The following MOB3B variants were observed in gnomAD, a reference collection of about 807,000 sequenced individuals.
The protein encoded by MOB3B is MOB kinase activator 3B, also known as MOB kinase activator-like 2B.
MOB3B carries 7 observed loss-of-function variants against 18.7 expected under a neutral mutation model. The ratio of observed to expected loss-of-function variants is 0.37; its 90% CI spans 0.21 to 0.70. MOB3B has a LOEUF of 0.70. MOB3B is among the 30% of genes least tolerant of loss of function. The pLI, the probability that MOB3B is intolerant of heterozygous loss-of-function variation, is 0.52. For synonymous variants in MOB3B, 111 were observed against 99.9 expected, an observed-to-expected ratio of 1.11 and a Z score of -0.66; for missense variants, 253 against 281.3, an observed-to-expected ratio of 0.90 and a Z score of 0.72.
At chr9:27,371,910 G>A (rs1821422120) in intron 2 of MOB3B, among the ~76,000 whole-genome samples, 1 of 152,016 alleles carries the variant, frequency 6.6e-6, no homozygotes. Context: ...ATTTTCAAAC[G>A]TTTTATTTAT....
intron 2 of MOB3B, among the ~76,000 whole-genome samples, chr9:27,450,205 C>T (rs916256179): frequency 6.6e-6 from 1 of 152,118 alleles, no homozygotes; most frequent in East Asian, 1.9e-4. Flanking sequence ...ACTGAACAGA[C>T]TACTTACTTT....
intron 2 of MOB3B, among the ~76,000 whole-genome samples, chr9:27,370,708 CTGTT>C (rs1309010292): frequency 1.3e-5 from 2 of 152,188 alleles, no homozygotes; most frequent in Non-Finnish European, 2.9e-5. Flanking sequence ...ATAAGCCACT[CTGTT>C]TGTGGTATTT....
intron 2 of MOB3B, among the ~76,000 whole-genome samples, chr9:27,433,439 T>G (rs938361437): frequency 3.3e-5 from 5 of 152,136 alleles, no homozygotes; most frequent in African/African-American, 1.2e-4. Context: ...TGTCAGATGT[T>G]TAGTAGATTT....
chr9:27,361,864 G>C (rs1033567444), intron 2 of MOB3B, among the ~76,000 whole-genome samples: 1 of 152,162 alleles, frequency 6.6e-6, no homozygotes, highest in Non-Finnish European at 1.5e-5. Flanking sequence ...ACTCCCTCAA[G>C]TGTGCTCCCA....
chr9:27,414,154 T>G (rs1822113579), intron 2 of MOB3B, among the ~76,000 whole-genome samples: 1 of 152,218 alleles, frequency 6.6e-6, no homozygotes, highest in African/African-American at 2.4e-5. Context: ...AACCTTGCTT[T>G]TCAAAGCAGA....
At chr9:27,436,786 C>A (rs145561181) in intron 2 of MOB3B, among the ~76,000 whole-genome samples, 3 of 151,906 alleles carry the variant, frequency 2.0e-5, no homozygotes, top group African/African-American at 7.3e-5. Flanking sequence ...GGAAATTAGG[C>A]GGGTTATCTA....
chr9:27,379,368 AGCTAGCT>A (rs1309996320), intron 2 of MOB3B, among the ~76,000 whole-genome samples: 1 of 152,192 alleles, frequency 6.6e-6, no homozygotes, highest in Non-Finnish European at 1.5e-5. Context: ...CATAAGAGAC[AGCTAGCT>A]GTGGGGTGAC....
At chr9:27,448,311 A>G (rs899360186) in intron 2 of MOB3B, among the ~76,000 whole-genome samples, 2 of 152,208 alleles carry the variant, frequency 1.3e-5, no homozygotes. Flanking sequence ...AAATGACATA[A>G]TGCAGGTGTA....
intron 1 of MOB3B, among the ~76,000 whole-genome samples, chr9:27,501,852 G>T (rs544397010): frequency 6.6e-6 from 1 of 151,718 alleles, no homozygotes; most frequent in Non-Finnish European, 1.5e-5. Flanking sequence ...GTAGGGAATC[G>T]AAACTGTTAG....
At chr9:27,381,630 C>T (rs2131374777) in intron 2 of MOB3B, among the ~76,000 whole-genome samples, 1 of 152,240 alleles carries the variant, frequency 6.6e-6, no homozygotes, top group East Asian at 1.9e-4. Context: ...AGATGTTTTC[C>T]TTACAGGTAG....
At chr9:27,529,512 G>C in intron 1 of MOB3B, 43 bp downstream of exon 1, 1 of 977,476 alleles carries the variant, frequency 1.0e-6, no homozygotes, top group Non-Finnish European at 1.2e-6. Flanking sequence ...AGCAGCCACC[G>C]GGCTGCGCCG....
intron 1 of MOB3B, among the ~76,000 whole-genome samples, chr9:27,497,041 C>G (rs1467396619): frequency 6.6e-6 from 1 of 152,168 alleles, no homozygotes. Flanking sequence ...GAAACTCCAG[C>G]AAGTGATTAG....
chr9:27,407,122 CT>C (rs1821993320), intron 2 of MOB3B, among the ~76,000 whole-genome samples: 1 of 152,202 alleles, frequency 6.6e-6, no homozygotes, highest in Non-Finnish European at 1.5e-5. Context: ...CAGGCATGAA[CT>C]ACCACGCCCG....
rs1190494877 is a variant in MOB3B at position 27,325,864 on chromosome 9, G to A, written c.*4723C>T. The A allele has an allele frequency of 6.6e-6, 1 of 152,000 alleles. No homozygotes were observed. Among genetic ancestry groups the A allele is most frequent in the Non-Finnish European group, 1.5e-5 (1 of 68,010 alleles). 9.4% of individuals were successfully genotyped at this position (152,000 alleles called of 1,614,324 possible). ...GGGACATAAGGTTTAGAGAACATAG[G>A]AAGCAATTTGCTTCCATCAATAACC... On this transcript the variant is annotated 3_prime_UTR_variant, in exon 4 of 4. Transcript: ENST00000262244.
At chr9:27,342,114 C>A (rs1467656006) in intron 3 of MOB3B, among the ~76,000 whole-genome samples, 1 of 152,140 alleles carries the variant, frequency 6.6e-6, no homozygotes, top group East Asian at 1.9e-4. Context: ...ACTTCCATGG[C>A]AGAGCTGAGC....
chr9:27,465,085 C>T (rs569145493), intron 1 of MOB3B, among the ~76,000 whole-genome samples: 2 of 152,306 alleles, frequency 1.3e-5, no homozygotes, highest in African/African-American at 4.8e-5. Context: ...CTCATTTCAG[C>T]ATTAACCCAA....
At chr9:27,384,456 C>A (rs901360601) in intron 2 of MOB3B, among the ~76,000 whole-genome samples, 4 of 152,136 alleles carry the variant, frequency 2.6e-5, no homozygotes, top group African/African-American at 9.7e-5. Flanking sequence ...TCAATCCATT[C>A]ATCTTGGCAA....
At chr9:27,401,377 G>A (rs992282025) in intron 2 of MOB3B, among the ~76,000 whole-genome samples, 2 of 152,190 alleles carry the variant, frequency 1.3e-5, no homozygotes, top group Non-Finnish European at 2.9e-5. Context: ...AGGTGGCCCA[G>A]GGCTCCTTTT....
At chr9:27,365,084 C>A (rs796979055) in intron 2 of MOB3B, among the ~76,000 whole-genome samples, 3 of 146,390 alleles carry the variant, frequency 2.0e-5, no homozygotes, top group African/African-American at 7.6e-5. Flanking sequence ...AATACTTCAT[C>A]GATCAAAATT....
Sources: allele counts gnomAD v4.1 joint callset (sites outside exome capture counted in the v4.1 genomes callset), GRCh38; gene constraint gnomAD v4.1.1; transcripts MANE v1.5; gene names NCBI Gene and HGNC (gene_info 2026-07-23, HGNC 2026-07-21).